XRCC4: variants seen among roughly 807,000 people sequenced by gnomAD.
The protein encoded by XRCC4 is X-ray repair cross complementing 4.
XRCC4 carries 28 observed loss-of-function variants against 39.1 expected under a neutral mutation model. The ratio of observed to expected loss-of-function variants is 0.72; its 90% CI spans 0.53 to 0.98. The LOEUF is 0.98. Among genes scored for constraint, XRCC4 ranks in the 50% least tolerant of loss-of-function variants. XRCC4 has a pLI of 0.00. For synonymous variants in XRCC4, 123 were observed against 126.4 expected, an observed-to-expected ratio of 0.97 and a Z score of 0.18; for missense variants, 350 against 376.4, an observed-to-expected ratio of 0.93 and a Z score of 0.58.
At chr5:83,354,637 TG>T (rs1172799150), downstream of XRCC4, among the ~76,000 whole-genome samples, 43 of 152,216 alleles carry the variant, frequency 2.8e-4, 1 homozygote, top group Non-Finnish European at 5.7e-4. Flanking sequence ...TTTCTTTAGA[TG>T]TTTTAGCATA....
chr5:83,241,400 C>A (rs1288414614), intron 6 of XRCC4, among the ~76,000 whole-genome samples: 2 of 152,200 alleles, frequency 1.3e-5, no homozygotes, highest in Admixed American at 1.3e-4. Flanking sequence ...TTACACAAAT[C>A]TATCTTTTTG....
intron 7 of XRCC4, among the ~76,000 whole-genome samples, chr5:83,293,125 A>G (rs1456368793): frequency 6.6e-6 from 1 of 151,884 alleles, no homozygotes; most frequent in East Asian, 1.9e-4. Flanking sequence ...CCATGGTTTT[A>G]TTCCCAGGCC....
At chr5:83,132,504 A>C (rs891840715) in intron 3 of XRCC4, among the ~76,000 whole-genome samples, 1 of 150,286 alleles carries the variant, frequency 6.7e-6, no homozygotes, top group African/African-American at 2.5e-5. Context: ...TCTCCCTGTC[A>C]TTTTCAGGTA....
intron 3 of XRCC4, among the ~76,000 whole-genome samples, chr5:83,147,192 G>A (rs2386240): frequency 0.48 from 73,425 of 151,866 alleles, 18,697 homozygotes; most frequent in African/African-American, 0.63. Context: ...GGGAAGCTGA[G>A]GTGGGAGGGT....
chr5:83,206,013 G>A (rs918966926), intron 6 of XRCC4, among the ~76,000 whole-genome samples: 7 of 152,102 alleles, frequency 4.6e-5, no homozygotes, highest in African/African-American at 9.7e-5. Flanking sequence ...GTAGAAAGAT[G>A]AAGACTGGGA....
At chr5:83,125,914 C>A (rs1747237518) in intron 3 of XRCC4, among the ~76,000 whole-genome samples, 1 of 143,298 alleles carries the variant, frequency 7.0e-6, no homozygotes, top group African/African-American at 2.6e-5. Context: ...ACCTGGGAGG[C>A]AGAGGTTGCA....
chr5:83,336,874 C>T (rs939818537), intron 7 of XRCC4, among the ~76,000 whole-genome samples: 1 of 152,040 alleles, frequency 6.6e-6, no homozygotes, highest in Admixed American at 6.6e-5. Flanking sequence ...AATTTGTAAA[C>T]ATTTAAATTT....
intron 3 of XRCC4, among the ~76,000 whole-genome samples, chr5:83,113,711 C>T (rs745330994): frequency 1.3e-5 from 2 of 152,070 alleles, no homozygotes; most frequent in Admixed American, 6.5e-5. Context: ...ACTGCAAGCT[C>T]CGCCTCCTGG....
intron 1 of XRCC4, among the ~76,000 whole-genome samples, chr5:83,087,746 AT>A (rs1205102519): frequency 3.3e-5 from 5 of 152,294 alleles, no homozygotes; most frequent in Admixed American, 6.5e-5. Flanking sequence ...ACACAAAAAA[AT>A]TAATACAATC....
intron 6 of XRCC4, among the ~76,000 whole-genome samples, chr5:83,234,319 C>G (rs1034828438): frequency 1.3e-5 from 2 of 152,138 alleles, no homozygotes; most frequent in African/African-American, 4.8e-5. Flanking sequence ...AAATCACAAG[C>G]TTTATCTTTT....
rs369997881 is a variant in XRCC4, at chr5:83,337,403, C to T, written c.894-15728C>T. 2.6e-3 allele frequency among the ~76,000 whole-genome samples: 393 copies of T among 152,136 alleles called. 2 individuals carry two copies. Among genetic ancestry groups the T allele is most frequent in the African/African-American group, 9.0e-3 (373 of 41,498 alleles). On this transcript the variant is annotated intron_variant, in intron 7 of 7. Transcript: ENST00000396027. ...GTAGAATACAGGAGAAGTGATGCTG[C>T]GTGATTTCTGGAGGCTACATCAGAA...
At chr5:83,130,801 G>A (rs1580264192) in intron 3 of XRCC4, among the ~76,000 whole-genome samples, 1 of 151,964 alleles carries the variant, frequency 6.6e-6, no homozygotes, top group Admixed American at 6.6e-5. Context: ...TATTTCTGTG[G>A]GATCGTTGGT....
chr5:83,163,171 T>C (rs1306951245), intron 3 of XRCC4, among the ~76,000 whole-genome samples: 3 of 152,086 alleles, frequency 2.0e-5, no homozygotes, highest in African/African-American at 7.2e-5. Context: ...GGTCTTGAAC[T>C]CCTGACCTCA....
At chr5:83,260,899 T>A (rs910207006) in intron 7 of XRCC4, among the ~76,000 whole-genome samples, 5 of 152,018 alleles carry the variant, frequency 3.3e-5, no homozygotes, top group Admixed American at 6.6e-5. Flanking sequence ...TAAGTAGAAA[T>A]GAAAACACCT....
chr5:83,255,392 A>T (rs115173478), intron 6 of XRCC4, among the ~76,000 whole-genome samples: 3 of 152,312 alleles, frequency 2.0e-5, no homozygotes, highest in African/African-American at 7.2e-5. Flanking sequence ...TTCCATTTAA[A>T]CTGTAACTAA....
chr5:83,133,186 G>A (rs932296628), intron 3 of XRCC4, among the ~76,000 whole-genome samples: 12 of 151,730 alleles, frequency 7.9e-5, no homozygotes, highest in Non-Finnish European at 5.9e-5. Context: ...TATGACCATC[G>A]GAGGCTGCAG....
intron 6 of XRCC4, among the ~76,000 whole-genome samples, chr5:83,238,448 C>T (rs7714542): frequency 2.1e-4 from 32 of 151,938 alleles, no homozygotes; most frequent in African/African-American, 4.8e-4. Flanking sequence ...ATTTGGATGA[C>T]GCTGCTGTAT....
intron 6 of XRCC4, among the ~76,000 whole-genome samples, chr5:83,216,351 T>G (rs1751858277): frequency 6.6e-6 from 1 of 152,216 alleles, no homozygotes; most frequent in Non-Finnish European, 1.5e-5. Context: ...TGAATCCTCA[T>G]ACATTTCTGG....
At chr5:83,186,647 G>A (rs1161578640) in intron 3 of XRCC4, among the ~76,000 whole-genome samples, 1 of 152,128 alleles carries the variant, frequency 6.6e-6, no homozygotes, top group African/African-American at 2.4e-5. Context: ...ACAGACATGG[G>A]GGAGGAGGGC....
Sources: allele counts gnomAD v4.1 joint callset (sites outside exome capture counted in the v4.1 genomes callset), GRCh38; gene constraint gnomAD v4.1.1; transcripts MANE v1.5; gene names NCBI Gene and HGNC (gene_info 2026-07-23, HGNC 2026-07-21).